The following UXS1 variants were observed in gnomAD, a reference collection of about 807,000 sequenced individuals.
The protein encoded by UXS1 is UDP-glucuronate decarboxylase 1.
UXS1 carries 33 observed loss-of-function variants against 62.6 expected under a neutral mutation model. The observed-to-expected ratio is 0.53, with a 90% CI of 0.40 to 0.70. UXS1 has a LOEUF of 0.70. UXS1 is among the 30% of genes least tolerant of loss of function. The pLI, the probability that UXS1 is intolerant of heterozygous loss-of-function variation, is 0.00. For synonymous variants in UXS1, 213 were observed against 206.8 expected (o/e 1.03, Z -0.26); for missense variants, 434 against 556.3 (o/e 0.78, Z 2.21).
intron 1 of UXS1, among the ~76,000 whole-genome samples, chr2:106,191,623 C>T (rs1684942443): frequency 6.6e-6 from 1 of 152,250 alleles, no homozygotes; most frequent in Non-Finnish European, 1.5e-5. Flanking sequence ...TGGGCAGCCT[C>T]ATGGCTGTAA....
chr2:106,145,016 A>G (rs1681449211), intron 6 of UXS1, among the ~76,000 whole-genome samples, 174 bp downstream of exon 6: 1 of 152,108 alleles, frequency 6.6e-6, no homozygotes, highest in Admixed American at 6.5e-5. Context: ...TGTTATAACC[A>G]CTCGTTATCA....
intron 7 of UXS1, among the ~76,000 whole-genome samples, chr2:106,127,292 T>C (rs542712826): frequency 6.6e-6 from 1 of 152,198 alleles, no homozygotes; most frequent in Non-Finnish European, 1.5e-5. Flanking sequence ...AGTAGATGCA[T>C]ACTTAGTTTT....
At chr2:106,138,681 G>A in intron 6 of UXS1, 1 of 985,508 alleles carries the variant, frequency 1.0e-6, no homozygotes, top group African/African-American at 1.7e-5. Flanking sequence ...TCACTGGACA[G>A]GTCAGTCCCA....
chr2:106,173,743 T>G (rs1487638543), intron 1 of UXS1, among the ~76,000 whole-genome samples: 1 of 152,256 alleles, frequency 6.6e-6, no homozygotes, highest in East Asian at 1.9e-4. Context: ...ATGTGCATTT[T>G]ATACAATTTT....
chr2:106,177,583 G>A (rs1029941427), intron 1 of UXS1, among the ~76,000 whole-genome samples: 1 of 152,164 alleles, frequency 6.6e-6, no homozygotes, highest in African/African-American at 2.4e-5. Flanking sequence ...CTATACTTTT[G>A]TATTACTTTA....
intron 6 of UXS1, among the ~76,000 whole-genome samples, chr2:106,141,645 C>T (rs1328447981): frequency 6.6e-6 from 1 of 151,936 alleles, no homozygotes; most frequent in Non-Finnish European, 1.5e-5. Flanking sequence ...GACAGGGTTT[C>T]GCCATGTTGC....
At chr2:106,178,344 T>C (rs574362373) in intron 1 of UXS1, among the ~76,000 whole-genome samples, 1 of 152,348 alleles carries the variant, frequency 6.6e-6, no homozygotes, top group African/African-American at 2.4e-5. Flanking sequence ...ATTATCAGTG[T>C]TGAGCATGCA....
chr2:106,193,997 G>C, intron 1 of UXS1, 151 bp downstream of exon 1: 3 of 452,984 alleles, frequency 6.6e-6, no homozygotes, highest in Non-Finnish European at 7.1e-6. Flanking sequence ...AGAGTGGAAA[G>C]GGGTGGGAGC....
At chr2:106,142,590 C>A (rs1277183174) in intron 6 of UXS1, among the ~76,000 whole-genome samples, 2 of 152,104 alleles carry the variant, frequency 1.3e-5, no homozygotes, top group Non-Finnish European at 1.5e-5. Context: ...TATGATCAGT[C>A]TTGGAGAATG....
At chr2:106,121,191 CTAT>C (rs1679490334) in intron 9 of UXS1, among the ~76,000 whole-genome samples, 1 of 152,084 alleles carries the variant, frequency 6.6e-6, no homozygotes, top group Non-Finnish European at 1.5e-5. Flanking sequence ...AGTGCTGCTT[CTAT>C]TATTGCCAAA....
intron 6 of UXS1, among the ~76,000 whole-genome samples, chr2:106,143,586 A>G (rs897182966): frequency 6.6e-6 from 1 of 152,264 alleles, no homozygotes; most frequent in Admixed American, 6.5e-5. Context: ...GACCGGGCAC[A>G]GTATGGCTCA....
chr2:106,160,644 T>C (rs1682826888), intron 4 of UXS1: 1 of 152,180 alleles, frequency 6.6e-6, no homozygotes, highest in African/African-American at 2.4e-5. Context: ...ATCTGAAAGC[T>C]TAAAATGAAA....
At chr2:106,095,827 C>T (rs528214742) in intron 14 of UXS1, among the ~76,000 whole-genome samples, 28 of 152,362 alleles carry the variant, frequency 1.8e-4, no homozygotes, top group Non-Finnish European at 2.2e-4. Context: ...AGGACACAGG[C>T]AGCCCTGAGG....
chr2:106,109,975 G>T (rs1436534108), intron 10 of UXS1, among the ~76,000 whole-genome samples: 2 of 152,204 alleles, frequency 1.3e-5, no homozygotes, highest in African/African-American at 4.8e-5. Context: ...TCAGTAAGCC[G>T]AGTGTTTCTA....
Position 106,098,704 on chromosome 2 carries a change from T to TA in UXS1, c.1042+11dup. On this transcript the variant is annotated intron_variant, in intron 13 of 14. Transcript: ENST00000283148. ...AGTCGATTTTACTCAGGAAATGACT[T>TA]ATCCTACTTACCAACAAGGTTTTTA... The TA allele has an allele frequency of 6.2e-7, 1 of 1,606,172 alleles. No homozygotes were observed. Among genetic ancestry groups the TA allele is most frequent in the Non-Finnish European group, 8.5e-7 (1 of 1,175,314 alleles).
chr2:106,096,559 A>C (rs1019634645), intron 14 of UXS1, among the ~76,000 whole-genome samples, 159 bp downstream of exon 14: 1 of 152,112 alleles, frequency 6.6e-6, no homozygotes, highest in Non-Finnish European at 1.5e-5. Context: ...GATACAGGAG[A>C]GGCTGTTTAC....
rs1304867526 is a variant in UXS1, at chr2:106,174,276, G to A, written c.95-8193C>T. Reference sequence around the variant, plus strand: ...TTCCAAGAAAGCTGGGCTCCGGACAGCAGGCAATGAACAGCTGTTCAGAGC... The same window carrying A: ...TTCCAAGAAAGCTGGGCTCCGGACAACAGGCAATGAACAGCTGTTCAGAGC... On this transcript the variant is annotated intron_variant, in intron 1 of 14. Coordinates refer to ENST00000283148, the MANE Select transcript of UXS1 (RefSeq NM_001253875.2). 4.6e-5 allele frequency among the ~76,000 whole-genome samples: 7 copies of A among 152,212 alleles called. No individual in the cohort carries two copies. The East Asian group carries it at 7.7e-4, about 17-fold the overall frequency.
At chr2:106,147,496 T>C (rs1205448481) in intron 5 of UXS1, among the ~76,000 whole-genome samples, 1 of 151,806 alleles carries the variant, frequency 6.6e-6, no homozygotes, top group African/African-American at 2.4e-5. Context: ...AAGTAAAAAA[T>C]CTCTAAAGCC....
intron 5 of UXS1, among the ~76,000 whole-genome samples, chr2:106,152,482 G>C (rs1255580929): frequency 2.0e-5 from 1 of 51,268 alleles, no homozygotes; most frequent in East Asian, 4.5e-4. Flanking sequence ...AGGAAGGAAG[G>C]AAGGGAGGGA....
Sources: gnomAD v4.1 joint callset for allele counts (sites outside exome capture counted in the v4.1 genomes callset) on GRCh38, gnomAD v4.1.1 for gene constraint, MANE v1.5 for transcripts, NCBI Gene and HGNC (gene_info 2026-07-23, HGNC 2026-07-21) for gene names.